Variants in DENND2B observed in about 807,000 individuals in gnomAD.
The protein encoded by DENND2B is DENN domain containing 2B.
A neutral mutation model predicts 116.0 loss-of-function variants in DENND2B; 32 were observed. The observed-to-expected ratio is 0.28, with a 90% CI of 0.21 to 0.37. DENND2B has a LOEUF of 0.37. DENND2B is among the 10% of genes least tolerant of loss of function. The probability of loss-of-function intolerance (pLI) is 1.00; values close to 1 mark genes in which losing one functional copy is unlikely to be tolerated. For synonymous variants in DENND2B, 588 were observed against 583.9 expected (o/e 1.01, Z -0.10); for missense variants, 1,276 against 1,477.7 (o/e 0.86, Z 2.24).
At chr11:8,884,034 A>AT (rs2063931385) in intron 1 of DENND2B, among the ~76,000 whole-genome samples, 3 of 152,060 alleles carry the variant, frequency 2.0e-5, no homozygotes, top group Non-Finnish European at 4.4e-5. Flanking sequence ...ATCTTAGTTG[A>AT]CTTCTTAGAT....
upstream of DENND2B, chr11:8,810,976 AG>A (rs2061345059): frequency 3.9e-6 from 1 of 259,220 alleles, no homozygotes; most frequent in South Asian, 1.7e-4. Flanking sequence ...AACAGCTCAG[AG>A]GGGAGAAGGG....
chr11:8,701,668 T>C (rs940958454), intron 14 of DENND2B, among the ~76,000 whole-genome samples: 7 of 152,144 alleles, frequency 4.6e-5, no homozygotes, highest in African/African-American at 1.7e-4. Flanking sequence ...GTATCACTTG[T>C]GCCTTGCCTG....
In DENND2B at chr11:8,722,437, C is replaced by G. The variant is rs749233762; in HGVS notation, c.1477+3636G>C. On this transcript the variant is annotated intron_variant, in intron 4 of 19. Coordinates refer to ENST00000313726, the MANE Select transcript of DENND2B (RefSeq NM_213618.2). ...GCGGGGTCAGAGTCATCCTTCACCC[C>G]ACAGAGCACAGGCTGGGCCAAGACC... 2.1e-3 allele frequency among the ~76,000 whole-genome samples: 319 copies of G among 152,304 alleles called. 7 individuals carry two copies. Among genetic ancestry groups the G allele is most frequent in the Non-Finnish European group, 6.8e-4 (46 of 68,022 alleles).
chr11:8,712,798 C>G lies in DENND2B; in HGVS notation c.1988-63G>C. ...AGGCCTCATGTTAACTCCTCTACCC[C>G]TGGCTCAGGGCTCCATTGCTGTGGA... On this transcript the variant is annotated intron_variant, in intron 8 of 19. Transcript: ENST00000313726. The surrounding 1 kb of genome is among the most constrained non-coding windows in gnomAD (Gnocchi z 4.4). The G allele has an allele frequency of 6.6e-7, 1 of 1,514,816 alleles. No individual in the cohort carries two copies. Among genetic ancestry groups the G allele is most frequent in the Non-Finnish European group, 8.9e-7 (1 of 1,128,636 alleles). 93.8% of individuals were successfully genotyped at this position (1,514,816 alleles called of 1,614,324 possible).
chr11:8,888,656 A>C (rs955279156), intron 1 of DENND2B, among the ~76,000 whole-genome samples: 5 of 152,212 alleles, frequency 3.3e-5, no homozygotes, highest in African/African-American at 1.2e-4. Flanking sequence ...AATGAGAGAT[A>C]TTTCCAAATC....
chr11:8,741,006 T>C (rs1170106531), intron 2 of DENND2B, among the ~76,000 whole-genome samples: 1 of 152,186 alleles, frequency 6.6e-6, no homozygotes, highest in African/African-American at 2.4e-5. Flanking sequence ...AGAAAAGTCC[T>C]GAGAAAAAGC....
intron 1 of DENND2B, among the ~76,000 whole-genome samples, chr11:8,886,602 A>G (rs2063963411): frequency 6.6e-6 from 1 of 151,736 alleles, no homozygotes; most frequent in African/African-American, 2.4e-5. Flanking sequence ...ACTGAGTTAA[A>G]CTAGCATCAT....
chr11:8,888,070 T>G (rs1257962891), intron 1 of DENND2B, among the ~76,000 whole-genome samples: 1 of 152,188 alleles, frequency 6.6e-6, no homozygotes, highest in African/African-American at 2.4e-5. Flanking sequence ...CTAGACAACA[T>G]TTGCACAGCA....
chr11:8,835,243 C>G (rs1333757568), intron 4 of DENND2B, among the ~76,000 whole-genome samples: 1 of 152,120 alleles, frequency 6.6e-6, no homozygotes, highest in Admixed American at 6.5e-5. Flanking sequence ...GACTCTGTCT[C>G]CAAACAAACA....
intron 3 of DENND2B, chr11:8,845,346 G>A (rs2062775702): frequency 6.6e-6 from 1 of 152,126 alleles, no homozygotes; most frequent in Non-Finnish European, 1.5e-5. Flanking sequence ...TACTTGAATG[G>A]GAGAAGTAAA....
chr11:8,899,656 C>A (rs1203963547), intron 1 of DENND2B, among the ~76,000 whole-genome samples: 1 of 152,124 alleles, frequency 6.6e-6, no homozygotes, highest in Non-Finnish European at 1.5e-5. Context: ...TAAACAAAGA[C>A]TGAAAAAATT....
At chr11:8,779,396 T>C (rs1259811937) in intron 1 of DENND2B, among the ~76,000 whole-genome samples, 1 of 152,162 alleles carries the variant, frequency 6.6e-6, no homozygotes, top group Non-Finnish European at 1.5e-5. Flanking sequence ...GTGGTGTGAC[T>C]TGGTAAAAAC....
chr11:8,816,250 T>C (rs2061563237), intron 4 of DENND2B, among the ~76,000 whole-genome samples: 1 of 152,074 alleles, frequency 6.6e-6, no homozygotes, highest in Admixed American at 6.6e-5. Flanking sequence ...TTCTACCAAA[T>C]TAATGGGTGA....
At position 8,696,737 on chromosome 11, in the gene DENND2B, T is replaced by C. The variant is rs2040426240; in HGVS notation, c.3053-71A>G. The C allele has an allele frequency of 1.9e-6, 3 of 1,577,904 alleles. No individual in the cohort carries two copies. The Admixed American group carries it at 5.3e-5, about 28-fold the overall frequency. On this transcript the variant is annotated intron_variant, in intron 17 of 19. Coordinates refer to ENST00000313726, the MANE Select transcript of DENND2B (RefSeq NM_213618.2). ...AAAGCCTTCCTCAATCTTCCTGGTGTAGTCTTCCTCTCCCCAACAAGACTT... is the reference window on the plus strand; with the variant it reads ...AAAGCCTTCCTCAATCTTCCTGGTGCAGTCTTCCTCTCCCCAACAAGACTT...
At chr11:8,774,288 A>G in intron 1 of DENND2B, 1 of 985,424 alleles carries the variant, frequency 1.0e-6, no homozygotes. Context: ...CTTTAATCCC[A>G]AAGCACAGTA....
intron 1 of DENND2B, among the ~76,000 whole-genome samples, chr11:8,795,720 C>T (rs569102250): frequency 3.3e-5 from 5 of 152,316 alleles, no homozygotes; most frequent in Non-Finnish European, 7.3e-5. Context: ...TTCTACAAAT[C>T]ATATTCAAAT....
upstream of DENND2B, among the ~76,000 whole-genome samples, chr11:8,814,163 C>T (rs2061488450): frequency 6.6e-6 from 1 of 152,062 alleles, no homozygotes; most frequent in Non-Finnish European, 1.5e-5. Context: ...CACTTTTCTC[C>T]ACCTCTGATG....
chr11:8,787,920 C>G (rs75022615), intron 1 of DENND2B, among the ~76,000 whole-genome samples: 2 of 152,196 alleles, frequency 1.3e-5, no homozygotes, highest in African/African-American at 2.4e-5. Flanking sequence ...CTTCTTTCCT[C>G]TAAGTTTGAT....
chr11:8,885,763 T>C (rs1286248767), intron 1 of DENND2B, among the ~76,000 whole-genome samples: 1 of 152,188 alleles, frequency 6.6e-6, no homozygotes, highest in Non-Finnish European at 1.5e-5. Flanking sequence ...AAGAAAAGCA[T>C]ACCATTCTGA....
Sources: gnomAD v4.1 joint callset for allele counts (sites outside exome capture counted in the v4.1 genomes callset) on GRCh38, gnomAD v4.1.1 for gene constraint, Gnocchi (gnomAD v3.1) non-coding constraint, MANE v1.5 for transcripts, NCBI Gene and HGNC (gene_info 2026-07-23, HGNC 2026-07-21) for gene names.